The following CEP112 variants were observed in gnomAD, a reference collection of about 807,000 sequenced individuals.
CEP112 encodes centrosomal protein 112, also known as centrosomal protein of 112 kDa.
Under a neutral mutation model 153.0 loss-of-function variants are expected in CEP112, and 127 were observed. That is an observed-to-expected ratio of 0.83 (90% CI 0.72 to 0.96). The LOEUF (loss-of-function observed/expected upper bound fraction) is 0.96, where lower values mean the gene tolerates loss of function less well. Ranked by LOEUF, CEP112 falls within the 40% of genes least tolerant of loss-of-function variation. CEP112 has a pLI of 0.00. For synonymous variants in CEP112, 358 were observed against 374.4 expected, an observed-to-expected ratio of 0.96 and a Z score of 0.51; for missense variants, 1,089 against 1,101.2, an observed-to-expected ratio of 0.99 and a Z score of 0.16.
intron 24 of CEP112, among the ~76,000 whole-genome samples, chr17:65,670,276 T>C (rs568358096): frequency 6.6e-6 from 1 of 151,920 alleles, no homozygotes; most frequent in Admixed American, 6.6e-5. Flanking sequence ...TATATAGGTA[T>C]CATAGCTAGA....
chr17:65,731,319 A>T (rs531290535), intron 23 of CEP112, among the ~76,000 whole-genome samples: 25 of 152,324 alleles, frequency 1.6e-4, no homozygotes, highest in Middle Eastern at 3.4e-3. Flanking sequence ...TAAAAAAGTC[A>T]TGTTTACACT....
At chr17:65,900,850 C>A (rs971781812) in intron 20 of CEP112, among the ~76,000 whole-genome samples, 1 of 152,118 alleles carries the variant, frequency 6.6e-6, no homozygotes, top group Admixed American at 6.6e-5. Flanking sequence ...CAGGAACCAC[C>A]TAAGTATTCT....
At chr17:65,806,586 T>C (rs2055615697) in intron 21 of CEP112, among the ~76,000 whole-genome samples, 1 of 152,188 alleles carries the variant, frequency 6.6e-6, no homozygotes, top group African/African-American at 2.4e-5. Context: ...GACTGAATCA[T>C]GGGGGTGGAA....
chr17:66,064,392 T>C (rs1178397140), intron 10 of CEP112, among the ~76,000 whole-genome samples: 1 of 152,234 alleles, frequency 6.6e-6, no homozygotes, highest in African/African-American at 2.4e-5. Context: ...TTTCTCTATC[T>C]TCTTTACTAA....
chr17:66,078,929 T>C (rs954023934), intron 8 of CEP112, among the ~76,000 whole-genome samples: 2 of 152,110 alleles, frequency 1.3e-5, no homozygotes, highest in African/African-American at 2.4e-5. Flanking sequence ...AATTGTTTTG[T>C]TTGAGGAGGC....
rs746617196 is a variant in CEP112 at position 65,641,079 on chromosome 17, A to T, written c.2698-14T>A. ...TATGTAAGTTATCTAAATTGGAAAA[A>T]AATTAAGAGTTATCTTTTTACCACA... On this transcript the variant is annotated splice_polypyrimidine_tract_variant and intron_variant, in intron 24 of 26. Transcript: ENST00000535342. 12 of 1,359,632 alleles carry T rather than the reference A, an allele frequency of 8.8e-6. No homozygotes were observed. The highest frequency in any genetic ancestry group is 1.2e-5 in the Non-Finnish European group (11 of 948,928). The allele number at this position is 1,359,632 out of a possible 1,614,324, so 84.2% of individuals were successfully genotyped here.
chr17:65,741,925 C>A (rs1434503537), intron 23 of CEP112, among the ~76,000 whole-genome samples: 2 of 150,686 alleles, frequency 1.3e-5, no homozygotes, highest in African/African-American at 2.4e-5. Flanking sequence ...AAAAAAAAAT[C>A]TCTCTTTTTT....
At chr17:65,660,340 TTTTCTC>T (rs1258427854) in intron 24 of CEP112, among the ~76,000 whole-genome samples, 1 of 95,716 alleles carries the variant, frequency 1.0e-5, no homozygotes, top group Non-Finnish European at 2.0e-5. Flanking sequence ...CTTTCTTTCT[TTTTCTC>T]TCTCGTTCCT....
chr17:66,018,642 A>C, intron 16 of CEP112, among the ~76,000 whole-genome samples: 1 of 152,228 alleles, frequency 6.6e-6, no homozygotes, highest in South Asian at 2.1e-4. Flanking sequence ...TAGTTCAAAA[A>C]TACTATCCAA....
chr17:65,796,670 T>C (rs768094750), intron 21 of CEP112, among the ~76,000 whole-genome samples: 1 of 151,826 alleles, frequency 6.6e-6, no homozygotes, highest in Non-Finnish European at 1.5e-5. Flanking sequence ...TTTGAAAATA[T>C]CAGTTAAAGT....
intron 12 of CEP112, among the ~76,000 whole-genome samples, chr17:66,040,715 G>A (rs1598201135): frequency 6.6e-6 from 1 of 152,052 alleles, no homozygotes; most frequent in South Asian, 2.1e-4. Flanking sequence ...GTCTCAAACT[G>A]CTGGTCTCAG....
At chr17:65,960,019 G>A (rs965182) in intron 18 of CEP112, among the ~76,000 whole-genome samples, 72,988 of 151,932 alleles carry the variant, frequency 0.48, 18,527 homozygotes, top group East Asian at 0.89. Flanking sequence ...CCGTAACACA[G>A]GGCTCAATCC....
chr17:65,734,844 T>C (rs2050708428), intron 23 of CEP112, among the ~76,000 whole-genome samples: 2 of 152,194 alleles, frequency 1.3e-5, no homozygotes, highest in Non-Finnish European at 2.9e-5. Context: ...TTCTTAAAAG[T>C]TAGTTACAAT....
rs759825168 is a variant in CEP112 at position 66,025,920 on chromosome 17, T to TACACAC, written c.1656+1575_1656+1580dup. ...ATGACTGGATAAAGAAAATGTGGCATACACACACACACACACACACACACA... is the reference window on the plus strand; with the variant it reads ...ATGACTGGATAAAGAAAATGTGGCATACACACACACACACACACACACACACACACA... On this transcript the variant is annotated intron_variant, in intron 16 of 26. Coordinates refer to ENST00000535342, the MANE Select transcript of CEP112 (RefSeq NM_001199165.4). Among the ~76,000 whole-genome samples the TACACAC allele has an allele frequency of 5.0e-3, 620 of 124,586 alleles. 12 individuals carry two copies. Among genetic ancestry groups the TACACAC allele is most frequent in the African/African-American group, 0.016 (539 of 33,146 alleles). 81.7% of individuals were successfully genotyped at this position (124,586 alleles called of 152,430 possible).
At chr17:66,068,878 C>G (rs1294523286) in intron 9 of CEP112, among the ~76,000 whole-genome samples, 1 of 151,866 alleles carries the variant, frequency 6.6e-6, no homozygotes, top group Non-Finnish European at 1.5e-5. Context: ...TACTGACTCT[C>G]TAACATACTT....
intron 20 of CEP112, among the ~76,000 whole-genome samples, chr17:65,891,979 A>G (rs993373529): frequency 2.0e-5 from 3 of 152,030 alleles, no homozygotes; most frequent in African/African-American, 7.3e-5. Flanking sequence ...TCCACCTACA[A>G]GTTATTGCTA....
rs562400486 is a variant in CEP112 at position 66,047,509 on chromosome 17, G to A, written c.1218+6227C>T. 3.3e-5 allele frequency among the ~76,000 whole-genome samples: 5 copies of A among 152,260 alleles called. No homozygotes were observed. In the East Asian group the frequency reaches 9.6e-4, roughly 29 times the overall value. The stretch of plus-strand genomic sequence containing the variant: ...AATTAGAGAGTAATTTTATTATGTA[G>A]ATATTAATTTTTTTCTTTTTCATCA... On this transcript the variant is annotated intron_variant, in intron 12 of 26. Transcript: ENST00000535342.
chr17:66,091,643 T>C (rs958208523), intron 8 of CEP112, among the ~76,000 whole-genome samples: 2 of 151,622 alleles, frequency 1.3e-5, no homozygotes, highest in Admixed American at 6.6e-5. Flanking sequence ...AAAAGAACAA[T>C]CTAAGTCCAA....
At chr17:65,864,009 C>A (rs1432221204) in intron 20 of CEP112, among the ~76,000 whole-genome samples, 1 of 151,746 alleles carries the variant, frequency 6.6e-6, no homozygotes, top group Middle Eastern at 3.2e-3. Context: ...TGACAGGGGG[C>A]ACGCACCTGT....
Sources: gnomAD v4.1 joint callset for allele counts (sites outside exome capture counted in the v4.1 genomes callset) on GRCh38, gnomAD v4.1.1 for gene constraint, MANE v1.5 for transcripts, NCBI Gene and HGNC (gene_info 2026-07-23, HGNC 2026-07-21) for gene names.